The following SENP8 variants were observed in gnomAD, a reference collection of about 807,000 sequenced individuals.
The protein encoded by SENP8 is SUMO peptidase family member, NEDD8 specific, also known as sentrin-specific protease 8.
Under a neutral mutation model 14.4 loss-of-function variants are expected in SENP8, and 10 were observed. The ratio of observed to expected loss-of-function variants is 0.69; its 90% CI spans 0.43 to 1.18. The LOEUF (loss-of-function observed/expected upper bound fraction) is 1.18. Ranked by LOEUF, SENP8 falls within the 50% of genes most tolerant of loss-of-function variation. SENP8 has a pLI of 0.00. For missense variants in SENP8, 202 were observed against 249.4 expected (o/e 0.81, Z 1.28); for synonymous variants, 94 against 95.5 (o/e 0.98, Z 0.09).
chr15:72,131,761 C>T (rs1257158590), intron 1 of SENP8, among the ~76,000 whole-genome samples: 1 of 152,124 alleles, frequency 6.6e-6, no homozygotes, highest in East Asian at 1.9e-4. Flanking sequence ...AACAATTTTC[C>T]CTGGACTTAG....
At chr15:72,131,463 A>T (rs2081273001) in intron 1 of SENP8, among the ~76,000 whole-genome samples, 1 of 152,214 alleles carries the variant, frequency 6.6e-6, no homozygotes, top group Non-Finnish European at 1.5e-5. Context: ...CTCCTATTGA[A>T]TTGTGAATTT....
chr15:72,120,260 A>G (rs2081153158), intron 1 of SENP8, among the ~76,000 whole-genome samples: 1 of 152,246 alleles, frequency 6.6e-6, no homozygotes, highest in African/African-American at 2.4e-5. Context: ...GCCTTTAAAC[A>G]AAGAATTCAC....
In SENP8 at chr15:72,132,526, A is replaced by G. The variant is rs28547979; in HGVS notation, c.-47-7051A>G. 4.1e-3 allele frequency among the ~76,000 whole-genome samples: 628 copies of G among 152,174 alleles called. 6 individuals are homozygous for G. Among genetic ancestry groups the G allele is most frequent in the African/African-American group, 0.014 (602 of 41,524 alleles). On this transcript the variant is annotated intron_variant, in intron 1 of 1. Coordinates refer to ENST00000340912, the MANE Select transcript of SENP8 (RefSeq NM_145204.4). The stretch of plus-strand genomic sequence containing the variant: ...CTCACTACATAGAAAATATTCCTAA[A>G]TGATTATAGATGGCTCTTGGTTTTT...
Position 72,142,150 on chromosome 15 carries a change from A to G in SENP8, c.*1888A>G, listed in dbSNP as rs1446396239. ...GTCTTTTAAATATATATAGAAAAAT[A>G]TATATACACACGTATAGACATGTAT... On this transcript the variant is annotated 3_prime_UTR_variant, in exon 2 of 2. Coordinates refer to ENST00000340912, the MANE Select transcript of SENP8 (RefSeq NM_145204.4). The G allele has an allele frequency of 6.6e-6, 1 of 152,170 alleles. No homozygotes were observed. The highest frequency in any genetic ancestry group is 2.4e-5 in the African/African-American group (1 of 41,456). The allele number at this position is 152,170 out of a possible 1,614,324, so 9.4% of individuals were successfully genotyped here.
intron 1 of SENP8, among the ~76,000 whole-genome samples, chr15:72,136,191 T>C (rs1027711406): frequency 4.6e-5 from 7 of 152,244 alleles, no homozygotes; most frequent in Non-Finnish European, 7.3e-5. Context: ...AGGCACTATT[T>C]GTTATGATGC....
At chr15:72,115,959 A>T (rs1434586399), upstream of SENP8, among the ~76,000 whole-genome samples, 1 of 152,250 alleles carries the variant, frequency 6.6e-6, no homozygotes, top group Non-Finnish European at 1.5e-5. Context: ...CCAGTAAATG[A>T]GGCACTTCCA....
intron 1 of SENP8, among the ~76,000 whole-genome samples, chr15:72,128,020 C>T (rs2081236748): frequency 6.6e-6 from 1 of 151,566 alleles, no homozygotes; most frequent in African/African-American, 2.4e-5. Context: ...TTGAGCCCAT[C>T]AGTTAAAGGC....
At chr15:72,124,699 T>C (rs2081199619) in intron 1 of SENP8, among the ~76,000 whole-genome samples, 1 of 152,186 alleles carries the variant, frequency 6.6e-6, no homozygotes, top group Non-Finnish European at 1.5e-5. Context: ...TATGTCATTA[T>C]AAGAGTGGGA....
In SENP8 at chr15:72,143,550, A is replaced by G. The variant is rs1040438778; in HGVS notation, c.*3288A>G. ...GTACCTTGCATATTATATATGCATC[A>G]TTATATATATTACCATATATATAAA... On this transcript the variant is annotated 3_prime_UTR_variant, in exon 2 of 2. Coordinates refer to ENST00000340912, the MANE Select transcript of SENP8 (RefSeq NM_145204.4). 2 of 152,324 alleles carry G rather than the reference A, an allele frequency of 1.3e-5. No homozygotes were observed. The highest frequency in any genetic ancestry group is 3.4e-3 in the Middle Eastern group (1 of 294). 9.4% of individuals were successfully genotyped at this position (152,324 alleles called of 1,614,324 possible).
chr15:72,137,220 G>A (rs754224100), intron 1 of SENP8, among the ~76,000 whole-genome samples: 1 of 149,292 alleles, frequency 6.7e-6, no homozygotes, highest in Non-Finnish European at 1.5e-5. Flanking sequence ...GGTATGTAAG[G>A]TGGGTATATG....
chr15:72,135,431 A>C (rs1019038136), intron 1 of SENP8: 4 of 152,122 alleles, frequency 2.6e-5, no homozygotes, highest in African/African-American at 7.2e-5. Context: ...AAAAAAAAAA[A>C]AACTCTGGAC....
At chr15:72,133,695 G>T (rs553932642) in intron 1 of SENP8, among the ~76,000 whole-genome samples, 2 of 152,252 alleles carry the variant, frequency 1.3e-5, no homozygotes, top group South Asian at 4.2e-4. Context: ...CTAATATGAG[G>T]TGCTCAGTAG....
intron 1 of SENP8, among the ~76,000 whole-genome samples, chr15:72,119,520 G>A (rs1261095287): frequency 6.6e-6 from 1 of 152,074 alleles, no homozygotes; most frequent in Non-Finnish European, 1.5e-5. Flanking sequence ...AGGCCGAGGC[G>A]GGTGGATCAC....
Position 72,138,978 on chromosome 15 carries a change from A to C in SENP8, c.-47-599A>C, listed in dbSNP as rs551760351. ...TGACTCCATCTCAAAAAAAAAAAAA[A>C]AAAAAAACTTTACTACCAATAACAT... On this transcript the variant is annotated intron_variant, in intron 1 of 1. Coordinates refer to ENST00000340912, the MANE Select transcript of SENP8 (RefSeq NM_145204.4). Among the ~76,000 whole-genome samples, 18 of 151,830 alleles carry C rather than the reference A, an allele frequency of 1.2e-4. No individual in the cohort carries two copies. The South Asian group carries it at 1.9e-3, about 16-fold the overall frequency.
At chr15:72,127,024 T>C (rs2081227231) in intron 1 of SENP8, among the ~76,000 whole-genome samples, 2 of 152,198 alleles carry the variant, frequency 1.3e-5, no homozygotes, top group Admixed American at 1.3e-4. Context: ...AATGTAAACA[T>C]TTCTCTGCCG....
chr15:72,139,711 C>T lies in SENP8; in HGVS notation c.88C>T (p.His30Tyr). ...GGATCCGCCAAGCTGGCTCAATGAC[C>T]ATATTATTGGGTTTGCGTTTGAGTA... ...LLDPPSWLND[H>Y]IIGFAFEYFA... The change falls in exon 2 of 2, where the codon CAT (histidine) becomes TAT (tyrosine). Residue 30 changes from histidine (H) to tyrosine (Y), a missense_variant. By Grantham distance (83) the His-to-Tyr change is moderately conservative. Coordinates refer to ENST00000340912, the MANE Select transcript of SENP8 (RefSeq NM_145204.4). 6.2e-7 allele frequency: 1 copy of T among 1,614,146 alleles called. No homozygotes were observed. Among genetic ancestry groups the T allele is most frequent in the African/African-American group, 1.3e-5 (1 of 75,026 alleles).
chr15:72,128,042 A>G (rs2081236984), intron 1 of SENP8, among the ~76,000 whole-genome samples: 1 of 151,532 alleles, frequency 6.6e-6, no homozygotes, highest in Admixed American at 6.6e-5. Flanking sequence ...GCAGTGAGCT[A>G]TGATTGCACC....
At chr15:72,119,464 T>A (rs541360906) in intron 1 of SENP8, among the ~76,000 whole-genome samples, 1 of 152,158 alleles carries the variant, frequency 6.6e-6, no homozygotes, top group East Asian at 1.9e-4. Context: ...ATGGAGGTCA[T>A]TTAGCCGGGC....
At chr15:72,129,666 T>C (rs903720510) in intron 1 of SENP8, among the ~76,000 whole-genome samples, 2 of 149,358 alleles carry the variant, frequency 1.3e-5, no homozygotes, top group East Asian at 2.0e-4. Context: ...CATGAGCCAC[T>C]GCGTCTGGCC....
Sources: allele counts gnomAD v4.1 joint callset (sites outside exome capture counted in the v4.1 genomes callset), GRCh38; gene constraint gnomAD v4.1.1; transcripts MANE v1.5; gene names NCBI Gene and HGNC (gene_info 2026-07-23, HGNC 2026-07-21).